Variants in CEP63 observed in about 807,000 individuals in gnomAD.
The protein encoded by CEP63 is centrosomal protein 63, also known as centrosomal protein of 63 kDa.
CEP63 carries 84 observed loss-of-function variants against 89.1 expected under a neutral mutation model. The ratio of observed to expected loss-of-function variants is 0.94; its 90% CI spans 0.79 to 1.13. The LOEUF (loss-of-function observed/expected upper bound fraction) is 1.13. CEP63 is among the 50% of genes most tolerant of loss of function. The pLI is 0.00. For missense variants in CEP63, 838 were observed against 813.3 expected (o/e 1.03, Z -0.37); for synonymous variants, 267 against 272.5 (o/e 0.98, Z 0.20).
chr3:134,663,501 T>C, the CEP63 span, among the ~76,000 whole-genome samples: 1 of 152,174 alleles, frequency 6.6e-6, no homozygotes, highest in Non-Finnish European at 1.5e-5. Flanking sequence ...TCTAGAATCA[T>C]AGAGCTCTCA....
the CEP63 span, among the ~76,000 whole-genome samples, chr3:134,595,616 C>A: frequency 2.0e-4 from 31 of 152,054 alleles, no homozygotes; most frequent in Non-Finnish European, 3.2e-4. Context: ...AAACCCAGTA[C>A]CCCTGGCAAT....
At chr3:134,754,125 T>G in the CEP63 span, among the ~76,000 whole-genome samples, 2 of 152,210 alleles carry the variant, frequency 1.3e-5, no homozygotes, top group Admixed American at 1.3e-4. Flanking sequence ...TGGCCCCTGC[T>G]GGGGTGGAGC....
At chr3:134,728,187 G>A in the CEP63 span, among the ~76,000 whole-genome samples, 1 of 152,166 alleles carries the variant, frequency 6.6e-6, no homozygotes, top group Non-Finnish European at 1.5e-5. Context: ...ATGAGCAAAA[G>A]TTAAAGTAGT....
At chr3:134,576,049 C>T (rs756670581), downstream of CEP63, among the ~76,000 whole-genome samples, 1 of 152,004 alleles carries the variant, frequency 6.6e-6, no homozygotes, top group Non-Finnish European at 1.5e-5. Context: ...CATGTAAGCC[C>T]CCTTAAATTC....
chr3:134,626,803 A>G, the CEP63 span, among the ~76,000 whole-genome samples: 1 of 152,180 alleles, frequency 6.6e-6, no homozygotes, highest in African/African-American at 2.4e-5. Context: ...TATGTCATCA[A>G]CCGCTGTGCT....
At chr3:134,704,231 A>C in the CEP63 span, among the ~76,000 whole-genome samples, 1 of 152,232 alleles carries the variant, frequency 6.6e-6, no homozygotes, top group Admixed American at 6.5e-5. Flanking sequence ...TCTTTGAAGC[A>C]GGCTTGGGTA....
chr3:134,706,336 T>C, the CEP63 span, among the ~76,000 whole-genome samples: 1 of 152,272 alleles, frequency 6.6e-6, no homozygotes, highest in East Asian at 1.9e-4. Flanking sequence ...ATTAACTGGT[T>C]TCATTACTTA....
At chr3:134,624,329 G>A in the CEP63 span, among the ~76,000 whole-genome samples, 4 of 152,180 alleles carry the variant, frequency 2.6e-5, no homozygotes, top group African/African-American at 7.2e-5. Flanking sequence ...CTCAACTTAT[G>A]TCTTTGCTTC....
At chr3:134,614,287 A>T in the CEP63 span, among the ~76,000 whole-genome samples, 7 of 152,066 alleles carry the variant, frequency 4.6e-5, no homozygotes, top group African/African-American at 1.7e-4. Context: ...ACCCAAGGAG[A>T]TTTATTTAAT....
chr3:134,510,846 A>G (rs1331799976), intron 3 of CEP63: 2 of 286,644 alleles, frequency 7.0e-6, no homozygotes, highest in Non-Finnish European at 1.4e-5. Context: ...TTACAGCTGT[A>G]TTAACTCCTT....
At position 134,551,930 on chromosome 3, in the gene CEP63, T is replaced by C. The variant is rs1296958021; in HGVS notation, c.1385T>C (p.Ile462Thr). 2 of 1,602,892 alleles carry C rather than the reference T, an allele frequency of 1.2e-6. No homozygotes were observed. The highest frequency in any genetic ancestry group is 2.2e-5 in the East Asian group (1 of 44,572). ...TTTCTGTTTTCCCCTTTTCAGGAGATTTTGGATCAGCTGGAGTCACTCAAA... is the reference window on the plus strand; with the variant it reads ...TTTCTGTTTTCCCCTTTTCAGGAGACTTTGGATCAGCTGGAGTCACTCAAA... The part of the protein sequence containing the change: ...AEDKAVEHKE[I>T]LDQLESLKLE... The change falls in exon 12 of 15, where the codon ATT becomes ACT. Residue 462 changes from isoleucine (I) to threonine (T), a missense_variant. Transcript: ENST00000675561.
chr3:134,624,927 C>T, the CEP63 span: 1 of 803,288 alleles, frequency 1.2e-6, no homozygotes, highest in Non-Finnish European at 2.1e-6. Context: ...TATGAAAAGG[C>T]ATTCCAGGGC....
At chr3:134,672,992 G>T in the CEP63 span, among the ~76,000 whole-genome samples, 1 of 152,324 alleles carries the variant, frequency 6.6e-6, no homozygotes, top group East Asian at 1.9e-4. Context: ...GTAAGGCCCT[G>T]CATGGGTGGT....
chr3:134,625,235 C>G, the CEP63 span: 6 of 877,472 alleles, frequency 6.8e-6, no homozygotes, highest in Non-Finnish European at 1.1e-5. Flanking sequence ...ACTGTCCAAC[C>G]TTTAACACAA....
At chr3:134,586,091 T>C (rs1222107331) in intron 10 of CEP63, among the ~76,000 whole-genome samples, 1 of 152,166 alleles carries the variant, frequency 6.6e-6, no homozygotes, top group Non-Finnish European at 1.5e-5. Context: ...TATGTGTGTC[T>C]CTGCATGTGA....
At chr3:134,499,431 T>C (rs2108196776) in intron 2 of CEP63, among the ~76,000 whole-genome samples, 1 of 152,290 alleles carries the variant, frequency 6.6e-6, no homozygotes, top group Non-Finnish European at 1.5e-5. Context: ...TAGCTAATGG[T>C]TTATCGATTT....
intron 3 of CEP63, among the ~76,000 whole-genome samples, chr3:134,528,318 G>C (rs554567706): frequency 1.2e-4 from 18 of 152,190 alleles, no homozygotes; most frequent in South Asian, 6.2e-4. Flanking sequence ...TCCTGGCTGT[G>C]TCTAGTCAGC....
chr3:134,572,973 C>G (rs1256666911), intron 11 of CEP63, among the ~76,000 whole-genome samples: 1 of 152,122 alleles, frequency 6.6e-6, no homozygotes, highest in East Asian at 1.9e-4. Flanking sequence ...AGATGGTTAT[C>G]TCAGTATGGT....
At chr3:134,632,927 G>A in the CEP63 span, among the ~76,000 whole-genome samples, 1 of 151,946 alleles carries the variant, frequency 6.6e-6, no homozygotes, top group Non-Finnish European at 1.5e-5. Flanking sequence ...TGAAATGAGG[G>A]CTATCGCTAC....
Sources: allele counts gnomAD v4.1 joint callset (sites outside exome capture counted in the v4.1 genomes callset), GRCh38; gene constraint gnomAD v4.1.1; transcripts MANE v1.5; gene names NCBI Gene and HGNC (gene_info 2026-07-23, HGNC 2026-07-21).